MGAM2: variants seen among roughly 807,000 people sequenced by gnomAD.
MGAM2 encodes probable maltase-glucoamylase 2.
MGAM2 carries 98 observed loss-of-function variants against 96.1 expected under a neutral mutation model. The observed-to-expected ratio is 1.02, with a 90% CI of 0.87 to 1.21. The LOEUF (loss-of-function observed/expected upper bound fraction) is 1.21. MGAM2 is among the 50% of genes most tolerant of loss of function. MGAM2 has a pLI of 0.00. For missense variants in MGAM2, 2,055 were observed against 1,182.4 expected (o/e 1.74, Z -10.82); for synonymous variants, 749 against 414.8 (o/e 1.81, Z -9.79).
chr7:142,148,350 T>C lies in MGAM2; in HGVS notation c.1634+777T>C, dbSNP rs868056939. Among the ~76,000 whole-genome samples, 8 of 150,394 alleles carry C rather than the reference T, an allele frequency of 5.3e-5. No individual in the cohort carries two copies. Among genetic ancestry groups the C allele is most frequent in the Middle Eastern group, 3.4e-3 (1 of 294 alleles). On this transcript the variant is annotated intron_variant, in intron 15 of 47. Coordinates refer to ENST00000477922, the MANE Select transcript of MGAM2 (RefSeq NM_001293626.2). The surrounding 1 kb of genome is among the most constrained non-coding windows in gnomAD (Gnocchi z 4.2). ...ACCATCATAACCGCTACCACTACCA[T>C]CACCACCACCACTACCATGACCACC...
At chr7:142,196,074 C>T in intron 37 of MGAM2, 80 bp from the exon 38 acceptor site, 2 of 718,354 alleles carry the variant, frequency 2.8e-6, no homozygotes, top group Non-Finnish European at 5.0e-6. Context: ...GTACCCTCAC[C>T]CTCTCATGCT....
At chr7:142,145,904 G>A (rs1248447494) in intron 14 of MGAM2, among the ~76,000 whole-genome samples, 1 of 152,160 alleles carries the variant, frequency 6.6e-6, no homozygotes, top group East Asian at 1.9e-4. Context: ...AGAGAACACT[G>A]ACATGTTGGG....
intron 2 of MGAM2, among the ~76,000 whole-genome samples, chr7:142,119,179 TAA>T (rs1794475137): frequency 6.6e-6 from 1 of 151,942 alleles, no homozygotes; most frequent in Non-Finnish European, 1.5e-5. Flanking sequence ...CATTGGAATA[TAA>T]GAGAATATAT....
intron 17 of MGAM2, among the ~76,000 whole-genome samples, chr7:142,155,072 G>A (rs527815157): frequency 1.9e-4 from 29 of 152,290 alleles, no homozygotes; most frequent in Non-Finnish European, 2.6e-4. Context: ...CACCAACAAA[G>A]TGAGAAGATT....
intron 24 of MGAM2, 146 bp downstream of exon 24, chr7:142,165,169 C>T (rs976084019): frequency 2.0e-5 from 10 of 505,992 alleles, no homozygotes; most frequent in South Asian, 1.1e-4. Context: ...GCAGGAGAAA[C>T]GTGTGCATGC....
chr7:142,142,525 T>TG (rs896084166), intron 12 of MGAM2, among the ~76,000 whole-genome samples: 4 of 105,594 alleles, frequency 3.8e-5, no homozygotes, highest in Non-Finnish European at 7.5e-5. Flanking sequence ...GTGGTGTGTG[T>TG]TTTTTTTTTT....
At position 142,221,282 on chromosome 7, in the gene MGAM2, A is replaced by G. The variant is rs1437304148; in HGVS notation, c.6771A>G (p.Ile2257Met). 1.5e-6 allele frequency: 1 copy of G among 681,542 alleles called. No individual in the cohort carries two copies. The highest frequency in any genetic ancestry group is 1.8e-5 in the African/African-American group (1 of 56,614). The allele number at this position is 681,542 out of a possible 1,614,324, so 42.2% of individuals were successfully genotyped here. A position where few individuals can be genotyped will look rare whatever the true frequency, so the allele number is the denominator to read the frequency against. ...ATATAACTAGTAATAGTATTTCCAT[A>G]ACAACTACTTCTTTTGGTAATAGTG... ...AGNITSNSIS[I>M]TTTSFGNSVP... Residue 2257 changes from isoleucine (I) to methionine (M), a missense_variant, in exon 48 of 48, where the codon ATA becomes ATG. Transcript: ENST00000477922.
At chr7:142,161,435 A>G (rs11771612) in intron 22 of MGAM2, among the ~76,000 whole-genome samples, 43,328 of 152,160 alleles carry the variant, frequency 0.28, 6,474 homozygotes, top group Non-Finnish European at 0.33. Context: ...ACTCTACCAA[A>G]GCAACTGGCA....
At chr7:142,156,532 C>T (rs1409982328) in intron 17 of MGAM2, among the ~76,000 whole-genome samples, 2 of 152,202 alleles carry the variant, frequency 1.3e-5, no homozygotes, top group African/African-American at 4.8e-5. Context: ...TTTACTTCCT[C>T]AGTCTCAATA....
In MGAM2 at chr7:142,148,265, C is replaced by T. The variant is rs1412485424; in HGVS notation, c.1634+692C>T. Among the ~76,000 whole-genome samples the T allele has an allele frequency of 6.6e-6, 1 of 151,722 alleles. No homozygotes were observed. Among genetic ancestry groups the T allele is most frequent in the Non-Finnish European group, 1.5e-5 (1 of 67,910 alleles). ...CCACCACAGTTATCACCACCATCCC[C>T]CCCACCACCACAATCACTATCACCA... On this transcript the variant is annotated intron_variant, in intron 15 of 47. Coordinates refer to ENST00000477922, the MANE Select transcript of MGAM2 (RefSeq NM_001293626.2). This position sits in a 1 kb window ranked among gnomAD's most constrained non-coding sequence, Gnocchi z 4.2.
intron 15 of MGAM2, among the ~76,000 whole-genome samples, chr7:142,150,885 C>A (rs1216238654): frequency 6.6e-6 from 1 of 152,120 alleles, no homozygotes; most frequent in African/African-American, 2.4e-5. Flanking sequence ...TTCATTCTTC[C>A]ATGCCTTTCA....
At chr7:142,192,932 T>A in intron 37 of MGAM2, among the ~76,000 whole-genome samples, 1 of 152,332 alleles carries the variant, frequency 6.6e-6, no homozygotes, top group South Asian at 2.1e-4. Flanking sequence ...AATATAAAAA[T>A]TAAATGATAT....
intron 46 of MGAM2, among the ~76,000 whole-genome samples, chr7:142,213,562 A>G (rs1028643215): frequency 6.6e-6 from 1 of 152,222 alleles, no homozygotes; most frequent in Non-Finnish European, 1.5e-5. Context: ...CAAATAAACT[A>G]GAAAATCTAG....
At position 142,134,113 on chromosome 7, in the gene MGAM2, G is replaced by T. The variant is rs1794986655; in HGVS notation, c.708G>T (p.Lys236Asn). ...HQQYRHNMTW[K>N]TWPIFTRDAT... The stretch of plus-strand genomic sequence containing the variant: ...AGTACCGCCACAATATGACCTGGAA[G>T]ACTTGGCCCATCTTCACCCGGGACG... Residue 236 changes from lysine (K) to asparagine (N), a missense_variant, in exon 7 of 48, where the codon AAG (lysine) becomes AAT (asparagine). Transcript: ENST00000477922. The T allele has an allele frequency of 7.9e-6, 6 of 762,428 alleles. No individual in the cohort carries two copies. In the South Asian group the frequency reaches 8.1e-5, roughly 10 times the overall value. The allele number at this position is 762,428 out of a possible 1,614,324, so 47.2% of individuals were successfully genotyped here.
At chr7:142,120,795 A>G (rs118152187) in intron 3 of MGAM2, among the ~76,000 whole-genome samples, 4,871 of 152,236 alleles carry the variant, frequency 0.032, 124 homozygotes, top group Non-Finnish European at 0.047. Context: ...TACCTGAGTC[A>G]CTGGCTGAGT....
rs1265585475 is a variant in MGAM2, at chr7:142,221,532, ATTAT to A, written c.7024_7027del (p.Ile2342SerfsTer11). ...TACTACCCCTACAAATGCAAACACC[ATTAT>A]TTTCAACACTCTTGATACAAAAAGT... is the stretch of plus-strand genomic sequence containing the variant. On this transcript the variant is annotated frameshift_variant, in exon 48 of 48. Transcript: ENST00000477922. LOFTEE classifies it low-confidence loss of function (END_TRUNC). 2.4e-5 allele frequency: 13 copies of A among 542,496 alleles called. No individual in the cohort carries two copies. Among genetic ancestry groups the A allele is most frequent in the Non-Finnish European group, 4.2e-5 (13 of 309,996 alleles). 33.6% of individuals were successfully genotyped at this position (542,496 alleles called of 1,614,324 possible).
At chr7:142,215,215 A>G (rs1205958129) in intron 46 of MGAM2, among the ~76,000 whole-genome samples, 1 of 152,132 alleles carries the variant, frequency 6.6e-6, no homozygotes, top group African/African-American at 2.4e-5. Flanking sequence ...AAAACCAAAC[A>G]CTGCATGTTG....
intron 8 of MGAM2, 32 bp downstream of exon 8, chr7:142,136,672 G>A: frequency 1.5e-6 from 1 of 669,352 alleles, no homozygotes; most frequent in East Asian, 2.7e-5. Context: ...TCTGTAGGTA[G>A]GAATACGTTT....
chr7:142,138,694 A>C (rs1563254868), intron 10 of MGAM2, 27 bp downstream of exon 10: 1 of 683,892 alleles, frequency 1.5e-6, no homozygotes, highest in African/African-American at 1.8e-5. Flanking sequence ...TTTACCATGC[A>C]GTTGACACCA....
Sources: allele counts gnomAD v4.1 joint callset (sites outside exome capture counted in the v4.1 genomes callset), GRCh38; gene constraint gnomAD v4.1.1; non-coding constraint Gnocchi (gnomAD v3.1); transcripts MANE v1.5; gene names NCBI Gene and HGNC (gene_info 2026-07-23, HGNC 2026-07-21).